MYO1H: variants seen among roughly 807,000 people sequenced by gnomAD.
The protein encoded by MYO1H is myosin IH, also known as unconventional myosin-Ih.
In MYO1H, 118 loss-of-function variants were observed where a neutral mutation model predicts 149.3. The observed-to-expected ratio is 0.79, with a 90% confidence interval of 0.68 to 0.92. The LOEUF is 0.92. Among genes scored for constraint, MYO1H ranks in the 40% least tolerant of loss-of-function variants. The probability of loss-of-function intolerance (pLI) is 0.00; values close to 1 mark genes in which losing one functional copy is unlikely to be tolerated. For missense variants in MYO1H, 1,212 were observed against 1,280.7 expected (o/e 0.95, Z 0.82); for synonymous variants, 447 against 465.2 (o/e 0.96, Z 0.50).
chr12:109,419,968 C>T (rs1341904645), intron 15 of MYO1H, among the ~76,000 whole-genome samples: 1 of 152,034 alleles, frequency 6.6e-6, no homozygotes, highest in African/African-American at 2.4e-5. Flanking sequence ...ACAGATAAGC[C>T]AAGTTTTAAA....
chr12:109,393,023 A>T (rs1253005721), intron 2 of MYO1H, among the ~76,000 whole-genome samples: 1 of 151,668 alleles, frequency 6.6e-6, no homozygotes, highest in African/African-American at 2.4e-5. Context: ...GTTAGCCAGG[A>T]TGGTCTCGAT....
chr12:109,406,785 G>A lies in MYO1H; in HGVS notation c.964-4G>A. ...ATAGCATTCTGGATTTCTTTTACAT[G>A]CAGCTCCTGGGGGTCCACCCATCAG... On this transcript the variant is annotated splice_region_variant and splice_polypyrimidine_tract_variant and intron_variant, in intron 8 of 31. Transcript: ENST00000310903. 1.2e-6 allele frequency: 2 copies of A among 1,613,766 alleles called. No homozygotes were observed. Among genetic ancestry groups the A allele is most frequent in the Non-Finnish European group, 1.7e-6 (2 of 1,179,696 alleles).
At chr12:109,403,036 T>A (rs1484264653) in intron 6 of MYO1H, among the ~76,000 whole-genome samples, 1 of 152,212 alleles carries the variant, frequency 6.6e-6, no homozygotes, top group Non-Finnish European at 1.5e-5. Context: ...CTCATAACTT[T>A]GGTAAACTTT....
At chr12:109,367,474 C>T (rs567223144) in intron 1 of MYO1H, among the ~76,000 whole-genome samples, 1 of 152,270 alleles carries the variant, frequency 6.6e-6, no homozygotes, top group South Asian at 2.1e-4. Flanking sequence ...GGGAAAACTG[C>T]ATTTTCATAC....
rs192325600 is a variant in MYO1H, at chr12:109,427,530, G to A, written c.1893G>A (p.Leu631=). The change falls in exon 19 of 32, where the codon CTG becomes CTA. Residue 631 remains leucine, a synonymous_variant. Transcript: ENST00000310903. ...AATACCTGGGGCTGATGGAGCACCTGCGGGTGAGACGGGCTGGTTTTGCAT... is the reference window on the plus strand; with the variant it reads ...AATACCTGGGGCTGATGGAGCACCTACGGGTGAGACGGGCTGGTTTTGCAT... 2.2e-4 allele frequency: 348 copies of A among 1,613,190 alleles called. 5 individuals carry two copies. In the East Asian group the frequency reaches 7.6e-3, roughly 35 times the overall value.
At chr12:109,443,104 G>GTATATGTGTGTATATATGTGTACA (rs1566044888) in intron 27 of MYO1H, among the ~76,000 whole-genome samples, 2,195 of 34,534 alleles carry the variant, frequency 0.064, 590 homozygotes, top group African/African-American at 0.28. Context: ...ATATGTGTAC[G>GTATATGTGTGTATATATGTGTACA]TATATGTGTG....
chr12:109,369,943 T>C (rs919398468), intron 1 of MYO1H, among the ~76,000 whole-genome samples: 7 of 152,158 alleles, frequency 4.6e-5, no homozygotes, highest in Admixed American at 3.9e-4. Flanking sequence ...GAAAGGCACG[T>C]CTTACATGGC....
At chr12:109,365,147 G>A (rs983070008) in intron 1 of MYO1H, among the ~76,000 whole-genome samples, 69 of 152,136 alleles carry the variant, frequency 4.5e-4, no homozygotes, top group Middle Eastern at 3.4e-3. Flanking sequence ...GTGGTAGTGT[G>A]TACTTGTAGT....
chr12:109,340,131 A>G, the MYO1H span, among the ~76,000 whole-genome samples: 1 of 152,280 alleles, frequency 6.6e-6, no homozygotes, highest in South Asian at 2.1e-4. Context: ...ACATTAGGCA[A>G]TACGGTGGCA....
chr12:109,432,250 C>T (rs1023041439), intron 19 of MYO1H, among the ~76,000 whole-genome samples: 1 of 151,968 alleles, frequency 6.6e-6, no homozygotes, highest in Admixed American at 6.6e-5. Flanking sequence ...GTGATCCGCC[C>T]GCCTCGGCCT....
At chr12:109,364,860 T>C (rs575485674) in intron 1 of MYO1H, among the ~76,000 whole-genome samples, 1 of 152,360 alleles carries the variant, frequency 6.6e-6, no homozygotes, top group South Asian at 2.1e-4. Context: ...CACTTCAACC[T>C]TGTCAGAATT....
rs1346560587 is a variant in MYO1H at position 109,444,468 on chromosome 12, G to T, written c.2932G>T (p.Ala978Ser). Reference sequence around the variant, plus strand: ...TTTGCAGTGTGGACACGTGTTTGAAGCAGTTACTAAACTCGTCATGCTGGT... The same window carrying T: ...TTTGCAGTGTGGACACGTGTTTGAATCAGTTACTAAACTCGTCATGCTGGT... The change falls in exon 30 of 32, where the codon GCA (alanine) becomes TCA (serine). Residue 978 changes from alanine (A) to serine (S), a missense_variant. Physicochemically the swap from Ala to Ser is moderately conservative, Grantham distance 99. Transcript: ENST00000310903. 1 of 1,613,872 alleles carries T rather than the reference G, an allele frequency of 6.2e-7. No individual in the cohort carries two copies. The highest frequency in any genetic ancestry group is 1.3e-5 in the African/African-American group (1 of 74,920).
At chr12:109,322,038 T>C in the MYO1H span, among the ~76,000 whole-genome samples, 1 of 152,206 alleles carries the variant, frequency 6.6e-6, no homozygotes, top group Non-Finnish European at 1.5e-5. Flanking sequence ...TTGACCTAAA[T>C]ATCTATCCTT....
intron 6 of MYO1H, among the ~76,000 whole-genome samples, chr12:109,402,871 C>T (rs1053391339): frequency 1.6e-4 from 25 of 152,276 alleles, no homozygotes; most frequent in African/African-American, 5.3e-4. Flanking sequence ...TTCTCTAACC[C>T]TTTGATAAAT....
At chr12:109,408,792 T>C (rs1477664952) in intron 10 of MYO1H, among the ~76,000 whole-genome samples, 1 of 151,210 alleles carries the variant, frequency 6.6e-6, no homozygotes, top group East Asian at 1.9e-4. Context: ...ACATTATCTC[T>C]TTTTTATTTT....
At chr12:109,318,984 T>TTTTTG in the MYO1H span, among the ~76,000 whole-genome samples, 21 of 145,396 alleles carry the variant, frequency 1.4e-4, 1 homozygote, top group Admixed American at 2.0e-4. Context: ...TTTTTTTTTT[T>TTTTTG]TTTTTTTTTT....
Position 109,439,791 on chromosome 12 carries a change from G to C in MYO1H, c.2454+1G>C. The C allele has an allele frequency of 6.2e-7, 1 of 1,613,424 alleles. No homozygotes were observed. Among genetic ancestry groups the C allele is most frequent in the Non-Finnish European group, 8.5e-7 (1 of 1,179,488 alleles). On this transcript the variant is annotated splice_donor_variant, in intron 24 of 31. Transcript: ENST00000310903. LOFTEE classifies it high-confidence loss of function. ...GAGGCCTCCTGGCATCTTGGAAAAT[G>C]TAAGGACTAATCTGGGATTTCCAGT... is the stretch of plus-strand genomic sequence containing the variant.
chr12:109,441,738 G>A, intron 26 of MYO1H, 30 bp downstream of exon 26: 1 of 1,525,514 alleles, frequency 6.6e-7, no homozygotes, highest in Admixed American at 1.8e-5. Context: ...TATGTACTTG[G>A]CTTTCCAATT....
rs776062855 is a variant in MYO1H at position 109,441,600 on chromosome 12, A to G, written c.2539-15A>G. On this transcript the variant is annotated splice_polypyrimidine_tract_variant and intron_variant, in intron 25 of 31. Transcript: ENST00000310903. ...TGTGGCTACCATTTTTATACTTTCA[A>G]TTGTGTATTACCAGATGCAGCAAAA... 1.9e-6 allele frequency: 3 copies of G among 1,581,848 alleles called. No homozygotes were observed. Among genetic ancestry groups the G allele is most frequent in the South Asian group, 2.2e-5 (2 of 88,908 alleles).
Sources: allele counts gnomAD v4.1 joint callset (sites outside exome capture counted in the v4.1 genomes callset), GRCh38; gene constraint gnomAD v4.1.1; transcripts MANE v1.5; gene names NCBI Gene and HGNC (gene_info 2026-07-23, HGNC 2026-07-21).